Variants in ESRRG observed in about 807,000 individuals in gnomAD.
ESRRG encodes estrogen related receptor gamma.
In ESRRG, 13 loss-of-function variants were observed where a neutral mutation model predicts 44.0. The observed-to-expected ratio is 0.30, with a 90% CI of 0.19 to 0.47. The LOEUF is 0.47. Ranked by LOEUF, ESRRG falls within the 20% of genes least tolerant of loss-of-function variation. The pLI is 1.00. For missense variants in ESRRG, 395 were observed against 580.6 expected (o/e 0.68, Z 3.29); for synonymous variants, 215 against 214.6 (o/e 1.00, Z -0.02).
intron 3 of ESRRG, among the ~76,000 whole-genome samples, chr1:216,619,468 T>C (rs750068658): frequency 6.6e-6 from 1 of 152,180 alleles, no homozygotes; most frequent in African/African-American, 2.4e-5. Flanking sequence ...TAAGATCTCT[T>C]ACCTTCATTG....
At chr1:216,908,304 C>T (rs996478916) in intron 2 of ESRRG, among the ~76,000 whole-genome samples, 18 of 152,142 alleles carry the variant, frequency 1.2e-4, no homozygotes, top group Admixed American at 1.2e-3. Context: ...TGGACTTTGC[C>T]ATGGGAGTGT....
intron 1 of ESRRG, among the ~76,000 whole-genome samples, chr1:217,082,310 C>T (rs1012968112): frequency 8.5e-5 from 13 of 152,318 alleles, no homozygotes; most frequent in African/African-American, 2.9e-4. Flanking sequence ...TTCTTCACCA[C>T]CTGAAACCAA....
At chr1:216,928,752 T>C (rs778976232) in intron 2 of ESRRG, among the ~76,000 whole-genome samples, 4 of 152,212 alleles carry the variant, frequency 2.6e-5, no homozygotes, top group Non-Finnish European at 5.9e-5. Context: ...GGTCGCTACA[T>C]ACAGTGAATA....
At chr1:217,027,604 C>T (rs563184352) in intron 1 of ESRRG, among the ~76,000 whole-genome samples, 2 of 152,030 alleles carry the variant, frequency 1.3e-5, no homozygotes, top group East Asian at 3.9e-4. Context: ...AGCAGAGAGC[C>T]GCAAACCACA....
chr1:216,666,707 G>C (rs1052316314), intron 2 of ESRRG, among the ~76,000 whole-genome samples: 3 of 152,186 alleles, frequency 2.0e-5, no homozygotes, highest in African/African-American at 7.2e-5. Flanking sequence ...TGTAGGCAAA[G>C]AGTCAGCCAC....
intron 3 of ESRRG, among the ~76,000 whole-genome samples, chr1:216,623,887 G>A (rs1479399028): frequency 2.8e-4 from 43 of 151,898 alleles, no homozygotes; most frequent in Admixed American, 2.6e-3. Flanking sequence ...GGTCTACACC[G>A]AGAGCAGATA....
rs1029877878 is a variant in ESRRG at position 216,547,440 on chromosome 1, T to C, written c.862+16779A>G. 3.9e-5 allele frequency among the ~76,000 whole-genome samples: 6 copies of C among 152,206 alleles called. No homozygotes were observed. The East Asian group carries it at 1.2e-3, about 30-fold the overall frequency. On this transcript the variant is annotated intron_variant, in intron 5 of 6. Transcript: ENST00000408911. ...ACTGCTAACAAAAAAGTCTCAATTC[T>C]AAATTTTAAAAATGCTATCAAGTAT...
intron 2 of ESRRG, among the ~76,000 whole-genome samples, chr1:216,916,834 C>CTTTTTTTTTTTTTTTTTTTTTTT (rs749847047): frequency 1.6e-5 from 1 of 62,466 alleles, no homozygotes; most frequent in Non-Finnish European, 2.8e-5. Context: ...CAGCTTTGGT[C>CTTTTTTTTTTTTTTTTTTTTTTT]TTTTTTTTTT....
intron 1 of ESRRG, among the ~76,000 whole-genome samples, chr1:217,137,484 C>G (rs937054475): frequency 6.6e-6 from 1 of 152,242 alleles, no homozygotes; most frequent in Non-Finnish European, 1.5e-5. Context: ...GAAGACCGCG[C>G]CTGGGGCTCG....
chr1:216,832,946 G>T (rs1458290800), intron 2 of ESRRG, among the ~76,000 whole-genome samples: 1 of 150,980 alleles, frequency 6.6e-6, no homozygotes, highest in Admixed American at 6.6e-5. Context: ...CCACACTCCA[G>T]CCTGGGCGAC....
rs555897862 is a variant in ESRRG, at chr1:216,561,704, A to T, written c.862+2515T>A. Among the ~76,000 whole-genome samples, 711 of 151,478 alleles carry T rather than the reference A, an allele frequency of 4.7e-3. 5 individuals are homozygous for T. The highest frequency in any genetic ancestry group is 0.016 in the African/African-American group (661 of 41,186). Reference sequence around the variant, plus strand: ...CGCTGTATGGCATAGGTATTATTAAATTTTTTTTTTAAATTTCTGTTAACT... The same window carrying T: ...CGCTGTATGGCATAGGTATTATTAATTTTTTTTTTTAAATTTCTGTTAACT... On this transcript the variant is annotated intron_variant, in intron 5 of 6. Coordinates refer to ENST00000408911, the MANE Select transcript of ESRRG (RefSeq NM_001438.4).
Position 216,579,856 on chromosome 1 carries a change from T to C in ESRRG, c.590-11758A>G, listed in dbSNP as rs79664799. 2.2e-3 allele frequency among the ~76,000 whole-genome samples: 332 copies of C among 152,318 alleles called. 2 individuals are homozygous for C. Among genetic ancestry groups the C allele is most frequent in the African/African-American group, 7.3e-3 (303 of 41,590 alleles). On this transcript the variant is annotated intron_variant, in intron 3 of 6. Transcript: ENST00000408911. ...ATGTAGAAGGAGGCAGAATTCCCCA[T>C]GAAAATTTCCTTGCATTTTCCAAAC... is the stretch of plus-strand genomic sequence containing the variant.
chr1:216,883,364 G>A (rs1444180101), intron 2 of ESRRG, among the ~76,000 whole-genome samples: 2 of 141,418 alleles, frequency 1.4e-5, no homozygotes, highest in Non-Finnish European at 1.5e-5. Context: ...CAGCCTGGGG[G>A]ACAAGAGCGA....
intron 2 of ESRRG, among the ~76,000 whole-genome samples, chr1:216,762,490 G>T (rs529183427): frequency 1.7e-3 from 249 of 149,178 alleles, no homozygotes; most frequent in African/African-American, 5.9e-3. Flanking sequence ...TCACTCATAG[G>T]TGGGAATTGA....
At chr1:216,666,658 A>T (rs947603680) in intron 2 of ESRRG, among the ~76,000 whole-genome samples, 1 of 152,206 alleles carries the variant, frequency 6.6e-6, no homozygotes, top group African/African-American at 2.4e-5. Flanking sequence ...GATAATAGAG[A>T]TTATGGATGG....
At chr1:216,972,573 G>A (rs942153949) in intron 1 of ESRRG, among the ~76,000 whole-genome samples, 3 of 152,100 alleles carry the variant, frequency 2.0e-5, no homozygotes, top group Non-Finnish European at 4.4e-5. Context: ...GCTCATCAAC[G>A]GACTGTCTGG....
intron 3 of ESRRG, among the ~76,000 whole-genome samples, chr1:216,608,707 T>A (rs539779704): frequency 6.6e-6 from 1 of 152,318 alleles, no homozygotes; most frequent in African/African-American, 2.4e-5. Context: ...GGAGGCACTG[T>A]TAAACAGTTC....
At chr1:216,728,636 T>A (rs963560736) in intron 2 of ESRRG, among the ~76,000 whole-genome samples, 5 of 152,042 alleles carry the variant, frequency 3.3e-5, no homozygotes, top group Admixed American at 3.3e-4. Flanking sequence ...CCATTCAACA[T>A]ATAATATATT....
intron 5 of ESRRG, among the ~76,000 whole-genome samples, chr1:216,561,262 C>T (rs902251760): frequency 2.0e-5 from 3 of 151,974 alleles, no homozygotes; most frequent in Admixed American, 6.6e-5. Flanking sequence ...ATTTTCGATG[C>T]TAAACTTAAT....
Sources: gnomAD v4.1 joint callset for allele counts (sites outside exome capture counted in the v4.1 genomes callset) on GRCh38, gnomAD v4.1.1 for gene constraint, MANE v1.5 for transcripts, NCBI Gene and HGNC (gene_info 2026-07-23, HGNC 2026-07-21) for gene names.